The following FAM135B variants were observed in gnomAD, a reference collection of about 807,000 sequenced individuals.
FAM135B encodes family with sequence similarity 135 member B.
In FAM135B, 43 loss-of-function variants were observed where a neutral mutation model predicts 127.7. The ratio of observed to expected loss-of-function variants is 0.34; its 90% CI spans 0.26 to 0.43. The LOEUF is 0.43. Ranked by LOEUF, FAM135B falls within the 20% of genes least tolerant of loss-of-function variation. The probability of loss-of-function intolerance (pLI) is 1.00; values close to 1 mark genes in which losing one functional copy is unlikely to be tolerated. For synonymous variants in FAM135B, 670 were observed against 665.1 expected (o/e 1.01, Z -0.11); for missense variants, 1,558 against 1,725.6 (o/e 0.90, Z 1.72).
intron 1 of FAM135B, among the ~76,000 whole-genome samples, chr8:138,476,083 T>C (rs1814415579): frequency 6.6e-6 from 1 of 152,170 alleles, no homozygotes; most frequent in South Asian, 2.1e-4. Flanking sequence ...AACTTACATG[T>C]ATATTACTAA....
At chr8:138,430,396 A>G (rs149789602) in intron 1 of FAM135B, among the ~76,000 whole-genome samples, 69 of 152,336 alleles carry the variant, frequency 4.5e-4, no homozygotes, top group African/African-American at 1.6e-3. Flanking sequence ...AGTGGCTTAA[A>G]TTAATAATGA....
At chr8:138,210,121 T>C (rs1818026485) in intron 7 of FAM135B, among the ~76,000 whole-genome samples, 2 of 152,220 alleles carry the variant, frequency 1.3e-5, no homozygotes, top group South Asian at 4.1e-4. Flanking sequence ...GTCTGCAGAA[T>C]AAGTAAGCTA....
chr8:138,360,513 G>A (rs890403904), intron 2 of FAM135B, among the ~76,000 whole-genome samples: 4 of 152,162 alleles, frequency 2.6e-5, no homozygotes, highest in Non-Finnish European at 5.9e-5. Flanking sequence ...TGTCCTATTG[G>A]GGAAGAGGAG....
intron 7 of FAM135B, among the ~76,000 whole-genome samples, chr8:138,226,642 A>G (rs1241586238): frequency 6.6e-6 from 1 of 152,108 alleles, no homozygotes; most frequent in Non-Finnish European, 1.5e-5. Flanking sequence ...GCTCACTGCA[A>G]CCACCACCTC....
chr8:138,296,289 C>T (rs1165546807), intron 3 of FAM135B, among the ~76,000 whole-genome samples: 1 of 152,214 alleles, frequency 6.6e-6, no homozygotes, highest in Non-Finnish European at 1.5e-5. Flanking sequence ...CACCTTCAAA[C>T]TTATCCTCCC....
At chr8:138,433,523 C>CA (rs1835305818) in intron 1 of FAM135B, among the ~76,000 whole-genome samples, 1 of 140,686 alleles carries the variant, frequency 7.1e-6, no homozygotes, top group East Asian at 2.1e-4. Flanking sequence ...GATTCTGTCT[C>CA]AATAAATAAA....
At chr8:138,403,074 A>C (rs114396889) in intron 1 of FAM135B, among the ~76,000 whole-genome samples, 4 of 152,192 alleles carry the variant, frequency 2.6e-5, no homozygotes, top group African/African-American at 7.2e-5. Context: ...CCCCAGCCTC[A>C]GAACTGTGAG....
chr8:138,450,401 T>C (rs1587484684), intron 1 of FAM135B: 1 of 152,360 alleles, frequency 6.6e-6, no homozygotes, highest in East Asian at 1.9e-4. Context: ...AGAGTATGCT[T>C]AGTTTTGTAA....
At chr8:138,337,602 T>C (rs1828703372) in intron 2 of FAM135B, among the ~76,000 whole-genome samples, 1 of 152,032 alleles carries the variant, frequency 6.6e-6, no homozygotes, top group Non-Finnish European at 1.5e-5. Context: ...CTCAATGAAA[T>C]AAAAGAAGAC....
intron 1 of FAM135B, among the ~76,000 whole-genome samples, chr8:138,432,454 T>G (rs961815813): frequency 6.6e-6 from 1 of 151,984 alleles, no homozygotes; most frequent in Non-Finnish European, 1.5e-5. Flanking sequence ...AACAACAGTC[T>G]CTAATATCAT....
At chr8:138,340,847 T>C (rs1828997351) in intron 2 of FAM135B, among the ~76,000 whole-genome samples, 1 of 152,162 alleles carries the variant, frequency 6.6e-6, no homozygotes, top group Admixed American at 6.5e-5. Flanking sequence ...TTCTTGGCAG[T>C]GGTAAATGGC....
At chr8:138,349,813 A>C (rs1044303962) in intron 2 of FAM135B, among the ~76,000 whole-genome samples, 6 of 152,196 alleles carry the variant, frequency 3.9e-5, no homozygotes, top group African/African-American at 1.2e-4. Flanking sequence ...ATGTTCAAGA[A>C]TCCATAAGTT....
At chr8:138,459,238 CG>C (rs1175225885) in intron 1 of FAM135B, 3 of 152,112 alleles carry the variant, frequency 2.0e-5, no homozygotes, top group Non-Finnish European at 2.9e-5. Context: ...TGTCAGTTCT[CG>C]GGCAGTAAGA....
intron 13 of FAM135B, among the ~76,000 whole-genome samples, chr8:138,150,065 T>C (rs1254066364): frequency 1.3e-5 from 2 of 152,232 alleles, no homozygotes; most frequent in African/African-American, 4.8e-5. Context: ...AATATGTAAC[T>C]CTTTAGCATT....
At chr8:138,157,033 T>C (rs1333514200) in intron 12 of FAM135B, among the ~76,000 whole-genome samples, 2 of 152,184 alleles carry the variant, frequency 1.3e-5, no homozygotes, top group Non-Finnish European at 2.9e-5. Flanking sequence ...TAAACATCAA[T>C]GCAAAAATCC....
At chr8:138,282,970 G>C (rs1412471425) in intron 3 of FAM135B, among the ~76,000 whole-genome samples, 1 of 151,568 alleles carries the variant, frequency 6.6e-6, no homozygotes, top group Admixed American at 6.6e-5. Context: ...GTGTGATCTC[G>C]GCTTACTGCA....
At chr8:138,215,967 C>A (rs1272351520) in intron 7 of FAM135B, among the ~76,000 whole-genome samples, 1 of 151,972 alleles carries the variant, frequency 6.6e-6, no homozygotes, top group African/African-American at 2.4e-5. Flanking sequence ...TTAATGAGTC[C>A]GAGGGGATGG....
At chr8:138,157,227 C>T (rs1484750268) in intron 12 of FAM135B, among the ~76,000 whole-genome samples, 7 of 152,108 alleles carry the variant, frequency 4.6e-5, no homozygotes, top group South Asian at 2.1e-4. Context: ...GCAGAAAAGG[C>T]CTTTGACAAA....
At chr8:138,322,995 G>A (rs1347407680) in intron 2 of FAM135B, among the ~76,000 whole-genome samples, 1 of 152,224 alleles carries the variant, frequency 6.6e-6, no homozygotes, top group Non-Finnish European at 1.5e-5. Flanking sequence ...CTCATAGGTT[G>A]ACAGTATGCG....
Sources: gnomAD v4.1 joint callset for allele counts (sites outside exome capture counted in the v4.1 genomes callset) on GRCh38, gnomAD v4.1.1 for gene constraint, MANE v1.5 for transcripts, NCBI Gene and HGNC (gene_info 2026-07-23, HGNC 2026-07-21) for gene names.